GTPBP4: variants seen among roughly 807,000 people sequenced by gnomAD.
GTPBP4 encodes the protein GTP binding protein 4.
Under a neutral mutation model 81.7 loss-of-function variants are expected in GTPBP4, and 15 were observed. The ratio of observed to expected loss-of-function variants is 0.18; its 90% CI spans 0.12 to 0.28. The LOEUF is 0.28. Among genes scored for constraint, GTPBP4 ranks in the 10% least tolerant of loss-of-function variants. The probability of loss-of-function intolerance (pLI) is 1.00; values close to 1 mark genes in which losing one functional copy is unlikely to be tolerated. For synonymous variants in GTPBP4, 272 were observed against 274.6 expected, an observed-to-expected ratio of 0.99 and a Z score of 0.09; for missense variants, 847 against 793.8, an observed-to-expected ratio of 1.07 and a Z score of -0.81.
chr10:1,018,423 GAA>G lies in GTPBP4; in HGVS notation c.*1211_*1212del, dbSNP rs775718568. 3.2e-5 allele frequency: 4 copies of G among 126,706 alleles called. No individual in the cohort carries two copies. The highest frequency in any genetic ancestry group is 6.8e-5 in the Non-Finnish European group (4 of 59,080). The allele number at this position is 126,706 out of a possible 1,614,324, so 7.8% of individuals were successfully genotyped here. On this transcript the variant is annotated 3_prime_UTR_variant, in exon 17 of 17. Transcript: ENST00000360803. ...TGGGTGACAGAGAGAGACTCCGTGT[GAA>G]AAAAAAAAAAAAAATACCAGGTCTG...
chr10:1,006,708 A>G (rs760208399), intron 9 of GTPBP4, among the ~76,000 whole-genome samples: 1 of 152,006 alleles, frequency 6.6e-6, no homozygotes, highest in Non-Finnish European at 1.5e-5. Context: ...TCCTGATGCC[A>G]TGGTCGCACT....
intron 5 of GTPBP4, among the ~76,000 whole-genome samples, chr10:998,756 A>G (rs1406361390): frequency 2.0e-5 from 3 of 152,194 alleles, no homozygotes; most frequent in Admixed American, 1.3e-4. Context: ...GCGGTGGGGC[A>G]GGACTTGGGA....
intron 1 of GTPBP4, among the ~76,000 whole-genome samples, chr10:991,340 G>T (rs1267421222): frequency 6.6e-6 from 1 of 152,190 alleles, no homozygotes; most frequent in Admixed American, 6.5e-5. Flanking sequence ...CAAGAAAAAA[G>T]GTCAAGTAAT....
chr10:1,012,283 T>C, intron 13 of GTPBP4, 182 bp from the exon 14 acceptor site: 1 of 462,954 alleles, frequency 2.2e-6, no homozygotes, highest in Non-Finnish European at 4.0e-6. Context: ...GTCTCCATTT[T>C]CTTCACAGAA....
intron 8 of GTPBP4, among the ~76,000 whole-genome samples, chr10:1,004,106 G>C (rs1831684151): frequency 6.6e-6 from 1 of 152,164 alleles, no homozygotes; most frequent in African/African-American, 2.4e-5. Flanking sequence ...TTGAGCCTGG[G>C]AAGCAGGGTA....
chr10:1,014,373 C>T, intron 15 of GTPBP4, 61 bp downstream of exon 15: 1 of 1,262,976 alleles, frequency 7.9e-7, no homozygotes, highest in East Asian at 2.4e-5. Context: ...ATAAAGAAAA[C>T]TGGCCGGGCG....
At chr10:1,006,744 C>G (rs1426696309) in intron 9 of GTPBP4, among the ~76,000 whole-genome samples, 3 of 152,152 alleles carry the variant, frequency 2.0e-5, no homozygotes, top group African/African-American at 7.2e-5. Context: ...CGGTTAGAGT[C>G]CTGAGGGGCA....
At chr10:991,033 T>G (rs1295673838) in intron 1 of GTPBP4, among the ~76,000 whole-genome samples, 3 of 151,918 alleles carry the variant, frequency 2.0e-5, no homozygotes, top group African/African-American at 7.3e-5. Flanking sequence ...TTTACTTGTC[T>G]CACTTGTAGG....
At chr10:1,004,274 T>A (rs566475012) in intron 8 of GTPBP4, among the ~76,000 whole-genome samples, 2 of 152,146 alleles carry the variant, frequency 1.3e-5, no homozygotes, top group East Asian at 3.9e-4. Context: ...CCAGCTGTCA[T>A]TTGGGCCCTA....
chr10:1,007,124 A>G lies in GTPBP4; in HGVS notation c.1109A>G (p.Asp370Gly). The G allele has an allele frequency of 1.9e-6, 3 of 1,557,808 alleles. No individual in the cohort carries two copies. Among genetic ancestry groups the G allele is most frequent in the East Asian group, 2.2e-5 (1 of 44,642 alleles). Residue 370 changes from aspartate to glycine, a missense_variant, in exon 10 of 17, where the codon GAT becomes GGT. Around this residue, in one of 3 missense-constraint regions of GTPBP4, gnomAD observed 600 missense variants for 557.1 expected, o/e 1.08. Transcript: ENST00000360803. Reference protein sequence around the residue: ...LHLAIPTRRDDKERPPFIPEG... With the variant: ...LHLAIPTRRDGKERPPFIPEG... ...CTGGCTATCCCAACCAGGAGGGACG[A>G]TAAGGTAAGACGGCCCCTGGGACAG...
intron 8 of GTPBP4, among the ~76,000 whole-genome samples, chr10:1,001,920 A>AT (rs1410951100): frequency 2.7e-4 from 36 of 132,032 alleles, no homozygotes; most frequent in African/African-American, 8.8e-4. Flanking sequence ...TTTTTTTTTT[A>AT]TTTTATTTTT....
At chr10:1,015,405 G>T (rs1281047815) in intron 15 of GTPBP4, among the ~76,000 whole-genome samples, 1 of 130,452 alleles carries the variant, frequency 7.7e-6, no homozygotes, top group African/African-American at 3.2e-5. Flanking sequence ...TGGACCTGGG[G>T]TCCTGAGCGC....
At chr10:989,629 G>A (rs1831406857) in intron 1 of GTPBP4, among the ~76,000 whole-genome samples, 1 of 152,168 alleles carries the variant, frequency 6.6e-6, no homozygotes, top group African/African-American at 2.4e-5. Flanking sequence ...GGAAAGCTTT[G>A]TGGGAGTCTC....
At chr10:1,011,765 T>C (rs1831879346) in intron 13 of GTPBP4, among the ~76,000 whole-genome samples, 1 of 152,216 alleles carries the variant, frequency 6.6e-6, no homozygotes, top group South Asian at 2.1e-4. Context: ...TCACCTCTGC[T>C]GGGGCCCCAG....
intron 14 of GTPBP4, among the ~76,000 whole-genome samples, chr10:1,013,990 C>T (rs6560868): frequency 0.99 from 150,405 of 152,290 alleles, 74,306 homozygotes; most frequent in Middle Eastern, 1. Flanking sequence ...CTCTCTCCCC[C>T]GTGTTGCGGT....
intron 8 of GTPBP4, among the ~76,000 whole-genome samples, chr10:1,003,148 C>T (rs1454753138): frequency 3.2e-5 from 2 of 63,490 alleles, no homozygotes; most frequent in Admixed American, 3.3e-4. Flanking sequence ...TTTCAAATGA[C>T]AGAGATTTTT....
intron 1 of GTPBP4, among the ~76,000 whole-genome samples, chr10:991,810 C>G (rs1270679830): frequency 1.4e-5 from 2 of 147,504 alleles, no homozygotes; most frequent in Non-Finnish European, 3.0e-5. Flanking sequence ...ATTCTCCTGC[C>G]TCAGCCTCCC....
At position 999,018 on chromosome 10, in the gene GTPBP4, G is replaced by A. The variant is rs1009996576; in HGVS notation, c.577G>A (p.Val193Met). 7 of 1,599,976 alleles carry A rather than the reference G, an allele frequency of 4.4e-6. No homozygotes were observed. The highest frequency in any genetic ancestry group is 6.0e-6 in the Non-Finnish European group (7 of 1,167,120). Residue 193 changes from valine (V) to methionine (M), a missense_variant, in exon 6 of 17, where the codon GTG becomes ATG. Val to Met is a conservative substitution (Grantham distance 21). Coordinates refer to ENST00000360803, the MANE Select transcript of GTPBP4 (RefSeq NM_012341.3). Reference protein sequence around the residue: ...SFINKVTRADVDVQPYAFTTK... With the variant: ...SFINKVTRADMDVQPYAFTTK... ...CTTGTTCCAGGTGACGAGAGCAGAC[G>A]TGGATGTCCAGCCCTATGCGTTCAC...
chr10:1,011,581 G>C (rs1256412227), intron 13 of GTPBP4, among the ~76,000 whole-genome samples: 1 of 146,692 alleles, frequency 6.8e-6, no homozygotes, highest in African/African-American at 2.4e-5. Flanking sequence ...CCATCTGCAT[G>C]TCCCATGTTG....
Sources: gnomAD v4.1 joint callset for allele counts (sites outside exome capture counted in the v4.1 genomes callset) on GRCh38, gnomAD v4.1.1 for gene constraint, gnomAD v4.1.1 regional missense constraint, MANE v1.5 for transcripts, NCBI Gene and HGNC (gene_info 2026-07-23, HGNC 2026-07-21) for gene names.